SLC26A7: variants seen among roughly 807,000 people sequenced by gnomAD.
SLC26A7 encodes the protein solute carrier family 26 member 7.
Under a neutral mutation model 82.5 loss-of-function variants are expected in SLC26A7, and 59 were observed. The observed-to-expected ratio is 0.72, with a 90% CI of 0.58 to 0.89. SLC26A7 has a LOEUF of 0.89. Ranked by LOEUF, SLC26A7 falls within the 40% of genes least tolerant of loss-of-function variation. The pLI is 0.00. For synonymous variants in SLC26A7, 271 were observed against 274.3 expected (o/e 0.99, Z 0.12); for missense variants, 820 against 793.0 (o/e 1.03, Z -0.41).
At chr8:91,235,709 C>T (rs1810385015) in intron 2 of SLC26A7, among the ~76,000 whole-genome samples, 1 of 152,132 alleles carries the variant, frequency 6.6e-6, no homozygotes, top group Non-Finnish European at 1.5e-5. Flanking sequence ...TTCTCACAAA[C>T]TCAGGAAATA....
chr8:91,252,265 C>T (rs576301148), intron 2 of SLC26A7, among the ~76,000 whole-genome samples: 154 of 151,952 alleles, frequency 1.0e-3, no homozygotes, highest in African/African-American at 3.3e-3. Flanking sequence ...AGTTGTTTTT[C>T]GTTCTTCTTT....
chr8:91,240,570 A>G (rs1364436683), intron 2 of SLC26A7, among the ~76,000 whole-genome samples: 1 of 152,184 alleles, frequency 6.6e-6, no homozygotes, highest in African/African-American at 2.4e-5. Flanking sequence ...TTCTTATTAT[A>G]GTACTTTAAT....
At chr8:91,266,557 C>T (rs555255488) in intron 2 of SLC26A7, among the ~76,000 whole-genome samples, 4 of 151,722 alleles carry the variant, frequency 2.6e-5, no homozygotes, top group East Asian at 3.9e-4. Flanking sequence ...ATATAAAATG[C>T]TTTTGGTTTT....
chr8:91,280,450 T>A (rs1045215931), intron 2 of SLC26A7, among the ~76,000 whole-genome samples: 1 of 152,256 alleles, frequency 6.6e-6, no homozygotes, highest in Non-Finnish European at 1.5e-5. Flanking sequence ...GGAACGGCAC[T>A]TTCCAAAGAT....
chr8:91,228,408 C>A (rs1586306102), intron 2 of SLC26A7, among the ~76,000 whole-genome samples: 1 of 152,174 alleles, frequency 6.6e-6, no homozygotes, highest in African/African-American at 2.4e-5. Flanking sequence ...AGAGTTCTGA[C>A]ACATTCAAAG....
chr8:91,363,060 A>G (rs1354243347), intron 12 of SLC26A7, among the ~76,000 whole-genome samples: 1 of 152,064 alleles, frequency 6.6e-6, no homozygotes, highest in Non-Finnish European at 1.5e-5. Context: ...ATTCTAAAAA[A>G]TGTTGTTTTA....
At chr8:91,357,391 T>A (rs1391048388) in intron 11 of SLC26A7, 1 of 152,192 alleles carries the variant, frequency 6.6e-6, no homozygotes, top group African/African-American at 2.4e-5. Flanking sequence ...TGATGCTGAT[T>A]TTTTCCCTTC....
At chr8:91,246,844 G>A (rs765068030), upstream of SLC26A7, among the ~76,000 whole-genome samples, 5 of 152,098 alleles carry the variant, frequency 3.3e-5, no homozygotes, top group Non-Finnish European at 7.4e-5. Context: ...CTGAGCTCCC[G>A]TATGACTTAT....
intron 5 of SLC26A7, among the ~76,000 whole-genome samples, chr8:91,326,581 A>G (rs902798952): frequency 2.0e-5 from 3 of 152,144 alleles, no homozygotes; most frequent in African/African-American, 7.2e-5. Flanking sequence ...ATACAGTCAC[A>G]TTCTGAAGTA....
intron 13 of SLC26A7, among the ~76,000 whole-genome samples, chr8:91,365,061 T>A (rs1395468836): frequency 2.0e-5 from 3 of 152,156 alleles, no homozygotes; most frequent in Non-Finnish European, 4.4e-5. Context: ...TCATGTGAAA[T>A]GACCCTTCCT....
chr8:91,235,995 T>G (rs527697075), intron 2 of SLC26A7, among the ~76,000 whole-genome samples: 4 of 152,320 alleles, frequency 2.6e-5, no homozygotes, highest in African/African-American at 7.2e-5. Context: ...AAAATTTTAC[T>G]TAGATGCATA....
At position 91,355,934 on chromosome 8, in the gene SLC26A7, G is replaced by A. The variant is rs190469603; in HGVS notation, c.1314+2938G>A. 1.2e-4 allele frequency among the ~76,000 whole-genome samples: 18 copies of A among 151,868 alleles called. No individual in the cohort carries two copies. The East Asian group carries it at 2.5e-3, about 21-fold the overall frequency. On this transcript the variant is annotated intron_variant, in intron 11 of 18. Transcript: ENST00000276609. The stretch of plus-strand genomic sequence containing the variant: ...GATGTTCCCCTTCCTGTGTCCATGT[G>A]TTCTCATTGTTCAATTCCCACCTAT...
chr8:91,279,948 C>A (rs1243410910), intron 2 of SLC26A7, among the ~76,000 whole-genome samples: 1 of 152,126 alleles, frequency 6.6e-6, no homozygotes, highest in Non-Finnish European at 1.5e-5. Context: ...TTAAAAAAAT[C>A]AGGTTACTTA....
intron 4 of SLC26A7, among the ~76,000 whole-genome samples, chr8:91,311,458 C>T (rs1812484665): frequency 6.6e-6 from 1 of 152,056 alleles, no homozygotes; most frequent in South Asian, 2.1e-4. Flanking sequence ...CACTCACACA[C>T]ACACATACAT....
chr8:91,259,812 T>C (rs1195041851), intron 2 of SLC26A7, among the ~76,000 whole-genome samples: 2 of 152,122 alleles, frequency 1.3e-5, no homozygotes, highest in African/African-American at 4.8e-5. Flanking sequence ...TACAGTCTCT[T>C]GTGGCACTGA....
At chr8:91,366,509 A>G in intron 13 of SLC26A7, 71 bp from the exon 14 acceptor site, 2 of 1,524,080 alleles carry the variant, frequency 1.3e-6, no homozygotes, top group Non-Finnish European at 8.9e-7. Flanking sequence ...ATTGAGTGAC[A>G]TTTAGATCTG....
chr8:91,294,995 T>A (rs1445545459), intron 3 of SLC26A7, among the ~76,000 whole-genome samples: 1 of 152,106 alleles, frequency 6.6e-6, no homozygotes, highest in African/African-American at 2.4e-5. Context: ...AGCCAGACCT[T>A]GAAAAACAAA....
At chr8:91,246,229 G>T (rs1406851586), upstream of SLC26A7, among the ~76,000 whole-genome samples, 1 of 152,152 alleles carries the variant, frequency 6.6e-6, no homozygotes, top group Admixed American at 6.5e-5. Context: ...AATACTTACT[G>T]TGTGAATCCA....
At chr8:91,264,002 G>A (rs996065565) in intron 2 of SLC26A7, among the ~76,000 whole-genome samples, 2 of 151,952 alleles carry the variant, frequency 1.3e-5, no homozygotes, top group South Asian at 2.1e-4. Context: ...AGTTCAGAGA[G>A]GTTAAATAAC....
Sources: gnomAD v4.1 joint callset for allele counts (sites outside exome capture counted in the v4.1 genomes callset) on GRCh38, gnomAD v4.1.1 for gene constraint, MANE v1.5 for transcripts, NCBI Gene and HGNC (gene_info 2026-07-23, HGNC 2026-07-21) for gene names.